Variants in FER1L5 observed in about 807,000 individuals in gnomAD.
FER1L5 encodes fer-1-like protein 5.
A neutral mutation model predicts 279.9 loss-of-function variants in FER1L5; 187 were observed. The observed-to-expected ratio is 0.67, with a 90% CI of 0.59 to 0.75. The LOEUF (loss-of-function observed/expected upper bound fraction) is 0.75. FER1L5 is among the 30% of genes least tolerant of loss of function. FER1L5 has a pLI of 0.00. For synonymous variants in FER1L5, 921 were observed against 989.7 expected, an observed-to-expected ratio of 0.93 and a Z score of 1.30; for missense variants, 2,091 against 2,594.4, an observed-to-expected ratio of 0.81 and a Z score of 4.21.
chr2:96,674,811 A>G (rs1331705685), intron 19 of FER1L5, among the ~76,000 whole-genome samples: 1 of 151,896 alleles, frequency 6.6e-6, no homozygotes, highest in Non-Finnish European at 1.5e-5. Context: ...ACCCTGTTTA[A>G]CCAAAAACTA....
chr2:96,679,095 C>T (rs2076617055), intron 19 of FER1L5, among the ~76,000 whole-genome samples: 3 of 152,076 alleles, frequency 2.0e-5, no homozygotes, highest in Admixed American at 2.0e-4. Flanking sequence ...TGGCTCACGC[C>T]TGTAATCCCA....
At chr2:96,695,941 C>G in intron 36 of FER1L5, 37 bp downstream of exon 36, 2 of 1,609,986 alleles carry the variant, frequency 1.2e-6, no homozygotes, top group Non-Finnish European at 1.7e-6. Flanking sequence ...CCAGGCCTCA[C>G]AAGCGAGCCT....
chr2:96,649,681 T>A lies in FER1L5; in HGVS notation c.394+4T>A. 6.4e-7 allele frequency: 1 copy of A among 1,551,548 alleles called. No individual in the cohort carries two copies. The highest frequency in any genetic ancestry group is 8.7e-7 in the Non-Finnish European group (1 of 1,146,954). ...AACCAGGATATTGAGAAGACAGGTA[T>A]GTCCTTCCCTGGAGCTTACCCTTAA... On this transcript the variant is annotated splice_donor_region_variant and intron_variant, in intron 5 of 52. Coordinates refer to ENST00000624922, the MANE Select transcript of FER1L5 (RefSeq NM_001293083.2).
intron 24 of FER1L5, chr2:96,688,911 C>T (rs2077035097): frequency 1.3e-5 from 4 of 313,350 alleles, no homozygotes; most frequent in Middle Eastern, 1.9e-3. Context: ...GGCCCTGCTC[C>T]CTCCCCTTCA....
intron 18 of FER1L5, among the ~76,000 whole-genome samples, chr2:96,671,832 G>A (rs1279281212): frequency 6.6e-6 from 1 of 152,220 alleles, no homozygotes; most frequent in Non-Finnish European, 1.5e-5. Flanking sequence ...GAATGTGGCA[G>A]AGAGAAAGGG....
At chr2:96,668,449 G>A (rs901119331) in intron 14 of FER1L5, among the ~76,000 whole-genome samples, 2 of 152,098 alleles carry the variant, frequency 1.3e-5, no homozygotes, top group African/African-American at 2.4e-5. Flanking sequence ...CGGGAGGATC[G>A]TTTGAGCCTG....
intron 11 of FER1L5, 56 bp downstream of exon 11, chr2:96,661,496 C>G: frequency 2.0e-6 from 3 of 1,523,192 alleles, no homozygotes. Flanking sequence ...CTGGGGGCAC[C>G]CCTGGGCCTC....
At chr2:96,701,565 G>A (rs2077586952) in intron 45 of FER1L5, among the ~76,000 whole-genome samples, 1 of 151,952 alleles carries the variant, frequency 6.6e-6, no homozygotes, top group Non-Finnish European at 1.5e-5. Flanking sequence ...CTGGTATCTA[G>A]TTTCCTCATA....
intron 18 of FER1L5, 39 bp from the exon 19 acceptor site, chr2:96,673,038 T>C: frequency 2.6e-6 from 4 of 1,541,004 alleles, no homozygotes; most frequent in Non-Finnish European, 3.5e-6. Flanking sequence ...CCTTGGCTTA[T>C]GTACTGGGTA....
At chr2:96,659,149 G>A (rs1435052427) in intron 9 of FER1L5, among the ~76,000 whole-genome samples, 4 of 151,288 alleles carry the variant, frequency 2.6e-5, no homozygotes, top group African/African-American at 7.3e-5. Context: ...TAGCCAGGAT[G>A]GTCTCGATCT....
chr2:96,653,777 GC>G, intron 8 of FER1L5, 75 bp downstream of exon 8: 2 of 1,164,310 alleles, frequency 1.7e-6, no homozygotes, highest in Non-Finnish European at 1.2e-6. Flanking sequence ...TACAGCTCCA[GC>G]CCCCACCCTT....
At chr2:96,661,933 C>A in intron 12 of FER1L5, 142 bp downstream of exon 12, 1 of 1,252,896 alleles carries the variant, frequency 8.0e-7, no homozygotes, top group Non-Finnish European at 1.1e-6. Flanking sequence ...TGGAATTGCT[C>A]CCAGACTTGT....
At chr2:96,690,389 G>A (rs531564954) in intron 26 of FER1L5, 98 bp from the exon 27 acceptor site, 211 of 1,102,210 alleles carry the variant, frequency 1.9e-4, no homozygotes, top group Middle Eastern at 2.8e-4. Flanking sequence ...AGGCTGCTGC[G>A]GCCACAGCAG....
At position 96,669,135 on chromosome 2, in the gene FER1L5, G is replaced by A. The variant is rs1406765519; in HGVS notation, c.1360G>A (p.Ala454Thr). ...KAPFRIQEEG[A>T]CIPDSVRDGL... ...CCCTTTCAGGATCCAGGAAGAAGGC[G>A]CTGTAAGCTTCTCACATCAGCTCTA... The change falls in exon 17 of 53, where the codon GCT becomes ACT. Residue 454 changes from alanine (A) to threonine (T), a missense_variant and splice_region_variant. By Grantham distance (58) the Ala-to-Thr change is moderately conservative. Coordinates refer to ENST00000624922, the MANE Select transcript of FER1L5 (RefSeq NM_001293083.2). The A allele has an allele frequency of 5.2e-6, 8 of 1,551,276 alleles. No individual in the cohort carries two copies. The highest frequency in any genetic ancestry group is 3.6e-5 in the South Asian group (3 of 84,052).
chr2:96,689,040 A>G lies in FER1L5; in HGVS notation c.2362-173A>G. ...AGCTGAATGATCCAGGGCAGGGTTG[A>G]CCTCTGGGCCTCAGTGCCCTCACCT... On this transcript the variant is annotated intron_variant, in intron 24 of 52. Transcript: ENST00000624922. This position sits in a 1 kb window ranked among gnomAD's most constrained non-coding sequence, Gnocchi z 4.6. 1 of 688,318 alleles carries G rather than the reference A, an allele frequency of 1.5e-6. No individual in the cohort carries two copies. Among genetic ancestry groups the G allele is most frequent in the Non-Finnish European group, 2.4e-6 (1 of 419,024 alleles). The allele number at this position is 688,318 out of a possible 1,614,324, so 42.6% of individuals were successfully genotyped here.
intron 9 of FER1L5, among the ~76,000 whole-genome samples, chr2:96,656,668 C>T (rs894971637): frequency 3.3e-5 from 5 of 151,906 alleles, no homozygotes; most frequent in Non-Finnish European, 7.4e-5. Context: ...GATTCTAAAC[C>T]AGGTCCACTC....
chr2:96,681,772 T>TTTTA (rs140007368), intron 19 of FER1L5, among the ~76,000 whole-genome samples: 11,107 of 147,468 alleles, frequency 0.075, 784 homozygotes, highest in African/African-American at 0.19. Context: ...TGAGAGATTA[T>TTTTA]TTTATTTATT....
At chr2:96,649,490 C>T (rs1192358558) in intron 4 of FER1L5, 133 bp from the exon 5 acceptor site, 11 of 776,314 alleles carry the variant, frequency 1.4e-5, no homozygotes, top group South Asian at 3.3e-5. Flanking sequence ...ATGGTGTGGC[C>T]CCATCCCATG....
At chr2:96,696,277 G>T (rs1048463716) in intron 37 of FER1L5, among the ~76,000 whole-genome samples, 200 bp downstream of exon 37, 1 of 151,984 alleles carries the variant, frequency 6.6e-6, no homozygotes, top group Non-Finnish European at 1.5e-5. Context: ...GAGAGTTTTT[G>T]ATTTTTTTAA....
Sources: gnomAD v4.1 joint callset for allele counts (sites outside exome capture counted in the v4.1 genomes callset) on GRCh38, gnomAD v4.1.1 for gene constraint, Gnocchi (gnomAD v3.1) non-coding constraint, MANE v1.5 for transcripts, NCBI Gene and HGNC (gene_info 2026-07-23, HGNC 2026-07-21) for gene names.